GALNT18: variants seen among roughly 807,000 people sequenced by gnomAD.
GALNT18 encodes the protein GalNAc-transferase 18.
GALNT18 carries 44 observed loss-of-function variants against 69.5 expected under a neutral mutation model. The ratio of observed to expected loss-of-function variants is 0.63; its 90% CI spans 0.50 to 0.81. The LOEUF (loss-of-function observed/expected upper bound fraction) is 0.81, where lower values mean the gene tolerates loss of function less well. Among genes scored for constraint, GALNT18 ranks in the 40% least tolerant of loss-of-function variants. The probability of loss-of-function intolerance (pLI) is 0.00; values close to 1 mark genes in which losing one functional copy is unlikely to be tolerated. For synonymous variants in GALNT18, 364 were observed against 318.2 expected, an observed-to-expected ratio of 1.14 and a Z score of -1.53; for missense variants, 715 against 810.0, an observed-to-expected ratio of 0.88 and a Z score of 1.42.
intron 10 of GALNT18, among the ~76,000 whole-genome samples, chr11:11,276,329 TGTC>T (rs1405050853): frequency 1.3e-5 from 2 of 152,308 alleles, no homozygotes; most frequent in African/African-American, 4.8e-5. Context: ...TTTGGCTGTT[TGTC>T]TTTTATTGGT....
chr11:11,304,381 T>G (rs79972708), intron 9 of GALNT18, among the ~76,000 whole-genome samples: 5,429 of 152,334 alleles, frequency 0.036, 106 homozygotes, highest in African/African-American at 0.051. Context: ...CATTAGTAAG[T>G]TCTCTATGTT....
chr11:11,518,430 T>G (rs7932928), intron 1 of GALNT18, among the ~76,000 whole-genome samples: 59,874 of 152,076 alleles, frequency 0.39, 12,575 homozygotes, highest in East Asian at 0.73. Context: ...CCTATGGAAT[T>G]ATTAATTGGA....
chr11:11,397,301 G>C (rs1854356711), intron 3 of GALNT18, among the ~76,000 whole-genome samples: 1 of 152,142 alleles, frequency 6.6e-6, no homozygotes, highest in East Asian at 1.9e-4. Context: ...CAGAGCCTGG[G>C]TTTTAGTAGA....
At chr11:11,593,160 G>T (rs1190653570) in intron 1 of GALNT18, among the ~76,000 whole-genome samples, 1 of 152,128 alleles carries the variant, frequency 6.6e-6, no homozygotes, top group Admixed American at 6.5e-5. Flanking sequence ...TGATCCGCCC[G>T]CCTCGGCCTC....
chr11:11,333,902 C>G (rs1339631450), intron 7 of GALNT18, among the ~76,000 whole-genome samples: 1 of 152,066 alleles, frequency 6.6e-6, no homozygotes, highest in Non-Finnish European at 1.5e-5. Flanking sequence ...AAAGCAGAGG[C>G]TGCCGAGGGG....
intron 1 of GALNT18, among the ~76,000 whole-genome samples, chr11:11,488,877 C>A (rs983430868): frequency 6.6e-6 from 1 of 152,226 alleles, no homozygotes; most frequent in Non-Finnish European, 1.5e-5. Context: ...AAGCCAAGAG[C>A]TTTAACCTCT....
At chr11:11,408,105 C>T (rs528319738) in intron 3 of GALNT18, among the ~76,000 whole-genome samples, 1 of 152,236 alleles carries the variant, frequency 6.6e-6, no homozygotes, top group South Asian at 2.1e-4. Flanking sequence ...GTGGCTCACG[C>T]CTATAATCCA....
chr11:11,501,027 G>A (rs187008532), intron 1 of GALNT18, among the ~76,000 whole-genome samples: 6 of 152,338 alleles, frequency 3.9e-5, no homozygotes, highest in Admixed American at 3.9e-4. Flanking sequence ...ACTGCAGAGA[G>A]ACAGCCAAGC....
chr11:11,409,881 T>C (rs528928251), intron 3 of GALNT18, among the ~76,000 whole-genome samples: 1 of 152,304 alleles, frequency 6.6e-6, no homozygotes, highest in Admixed American at 6.5e-5. Flanking sequence ...CCCTGCTATC[T>C]ATGTAAACAA....
Position 11,387,853 on chromosome 11 carries a change from C to T in GALNT18, c.596-8589G>A, listed in dbSNP as rs535819531. Among the ~76,000 whole-genome samples, 5 of 152,202 alleles carry T rather than the reference C, an allele frequency of 3.3e-5. No homozygotes were observed. Among genetic ancestry groups the T allele is most frequent in the East Asian group, 1.9e-4 (1 of 5,180 alleles). On this transcript the variant is annotated intron_variant, in intron 3 of 10. Coordinates refer to ENST00000227756, the MANE Select transcript of GALNT18 (RefSeq NM_198516.3). The surrounding 1 kb of genome is among the most constrained non-coding windows in gnomAD (Gnocchi z 4.6). The stretch of plus-strand genomic sequence containing the variant: ...GGGCAGCTGGGATCCCGGAGAGCTC[C>T]GGGCAGCATTGCTGCGTGTATTCCT...
chr11:11,364,977 C>G (rs57454603), intron 6 of GALNT18, among the ~76,000 whole-genome samples: 1 of 151,220 alleles, frequency 6.6e-6, no homozygotes, highest in East Asian at 2.0e-4. Flanking sequence ...TGTATATATT[C>G]GATATTGTCC....
intron 1 of GALNT18, among the ~76,000 whole-genome samples, chr11:11,504,585 C>T (rs1857034463): frequency 6.6e-6 from 1 of 152,006 alleles, no homozygotes; most frequent in Admixed American, 6.6e-5. Context: ...GGCAAAACCC[C>T]ATTTCTATAA....
chr11:11,408,364 CAAAAAAAAAAA>C (rs57957956), intron 3 of GALNT18, among the ~76,000 whole-genome samples: 2 of 70,894 alleles, frequency 2.8e-5, no homozygotes, highest in African/African-American at 5.1e-5. Context: ...GACTTCATCT[CAAAAAAAAAAA>C]AAAAAAAAAA....
chr11:11,285,585 G>A (rs1590007920), intron 10 of GALNT18, among the ~76,000 whole-genome samples: 1 of 152,134 alleles, frequency 6.6e-6, no homozygotes, highest in Non-Finnish European at 1.5e-5. Flanking sequence ...AGGCCTAAAC[G>A]AAGCTTTGTC....
Position 11,369,140 on chromosome 11 carries a change from T to C in GALNT18, c.1092+3375A>G, listed in dbSNP as rs116430256. Among the ~76,000 whole-genome samples, 1,287 of 152,340 alleles carry C rather than the reference T, an allele frequency of 8.4e-3. 14 individuals are homozygous for C. Among genetic ancestry groups the C allele is most frequent in the African/African-American group, 0.028 (1,171 of 41,566 alleles). On this transcript the variant is annotated intron_variant, in intron 6 of 10. Coordinates refer to ENST00000227756, the MANE Select transcript of GALNT18 (RefSeq NM_198516.3). ...CCATGTAGAATAGCCTCAACCTTTC[T>C]CCAGGTTCCAACTTTGGCTTACTTT...
At chr11:11,283,977 A>G (rs891573391) in intron 10 of GALNT18, among the ~76,000 whole-genome samples, 3 of 151,790 alleles carry the variant, frequency 2.0e-5, no homozygotes, top group Non-Finnish European at 4.4e-5. Context: ...CCTTTCAGGA[A>G]TAGGAACTGG....
intron 6 of GALNT18, chr11:11,353,125 A>C (rs1393055453): frequency 1.2e-6 from 2 of 1,613,912 alleles, no homozygotes; most frequent in Non-Finnish European, 1.7e-6. Context: ...GACATGTCAG[A>C]CAGGTTGGCG....
intron 1 of GALNT18, among the ~76,000 whole-genome samples, chr11:11,453,368 G>A (rs1337440684): frequency 2.6e-5 from 4 of 152,176 alleles, no homozygotes; most frequent in Middle Eastern, 3.4e-3. Context: ...CAGCCACACC[G>A]GCCACTCATC....
At chr11:11,335,576 T>C (rs1850097353) in intron 7 of GALNT18, among the ~76,000 whole-genome samples, 1 of 152,216 alleles carries the variant, frequency 6.6e-6, no homozygotes. Flanking sequence ...CCAGAACCTC[T>C]AAATGGGACT....
Sources: gnomAD v4.1 joint callset for allele counts (sites outside exome capture counted in the v4.1 genomes callset) on GRCh38, gnomAD v4.1.1 for gene constraint, Gnocchi (gnomAD v3.1) non-coding constraint, MANE v1.5 for transcripts, NCBI Gene and HGNC (gene_info 2026-07-23, HGNC 2026-07-21) for gene names.